SLC17A1: variants seen among roughly 807,000 people sequenced by gnomAD.
SLC17A1 encodes solute carrier family 17 member 1.
A neutral mutation model predicts 53.5 loss-of-function variants in SLC17A1; 51 were observed. That is an observed-to-expected ratio of 0.95 (90% confidence interval 0.76 to 1.20). SLC17A1 has a LOEUF of 1.20. Among genes scored for constraint, SLC17A1 ranks in the 50% most tolerant of loss-of-function variants. The pLI is 0.00. For synonymous variants in SLC17A1, 179 were observed against 198.8 expected (o/e 0.90, Z 0.84); for missense variants, 538 against 568.2 (o/e 0.95, Z 0.54).
intron 10 of SLC17A1, among the ~76,000 whole-genome samples, 196 bp from the exon 11 acceptor site, chr6:25,801,176 G>A (rs565643872): frequency 3.9e-5 from 6 of 152,162 alleles, no homozygotes; most frequent in Non-Finnish European, 5.9e-5. Flanking sequence ...AAAGGTTGGC[G>A]TTAGCAGTAA....
chr6:25,738,405 C>T, the SLC17A1 span, among the ~76,000 whole-genome samples: 1 of 152,100 alleles, frequency 6.6e-6, no homozygotes, highest in Non-Finnish European at 1.5e-5. Flanking sequence ...CTAAAATTAA[C>T]TCATATAGAT....
At chr6:25,770,399 G>C in the SLC17A1 span, 10 of 1,613,972 alleles carry the variant, frequency 6.2e-6, no homozygotes, top group Middle Eastern at 1.6e-4. Flanking sequence ...GGTATTAACT[G>C]GTCAGTATTC....
chr6:25,732,172 C>A, the SLC17A1 span: 2 of 417,446 alleles, frequency 4.8e-6, no homozygotes, highest in South Asian at 2.6e-5. Flanking sequence ...TGTTTATCTT[C>A]CAAGTTCACA....
At chr6:25,831,862 A>C (rs1764961539) in intron 1 of SLC17A1, 132 bp downstream of exon 1, 1 of 152,152 alleles carries the variant, frequency 6.6e-6, no homozygotes, top group South Asian at 2.1e-4. Context: ...GATAGGGCAT[A>C]TTCCACCCCT....
chr6:25,746,815 G>A, the SLC17A1 span, among the ~76,000 whole-genome samples: 11 of 152,086 alleles, frequency 7.2e-5, no homozygotes, highest in African/African-American at 2.7e-4. Flanking sequence ...TACCAGGGTT[G>A]GCCTGTGCAA....
At position 25,831,325 on chromosome 6, in the gene SLC17A1, T is replaced by A. The variant is rs112918891; in HGVS notation, c.-51+669A>T. Among the ~76,000 whole-genome samples, 287 of 152,310 alleles carry A rather than the reference T, an allele frequency of 1.9e-3. 1 individual carries two copies. Among genetic ancestry groups the A allele is most frequent in the Non-Finnish European group, 3.1e-3 (212 of 68,022 alleles). ...CAGGATTTTACCATATCAGATTATATGATACCTAGTGCCCCAAAGATACCA... is the reference window on the plus strand; with the variant it reads ...CAGGATTTTACCATATCAGATTATAAGATACCTAGTGCCCCAAAGATACCA... On this transcript the variant is annotated intron_variant, in intron 1 of 12. Coordinates refer to ENST00000244527, the MANE Select transcript of SLC17A1 (RefSeq NM_005074.5).
chr6:25,822,199 G>A (rs1212091304), intron 3 of SLC17A1, among the ~76,000 whole-genome samples: 1 of 152,122 alleles, frequency 6.6e-6, no homozygotes, highest in Non-Finnish European at 1.5e-5. Flanking sequence ...TAAAATATCT[G>A]TGTGTGTCTG....
chr6:25,773,582 G>T, the SLC17A1 span: 1 of 1,613,932 alleles, frequency 6.2e-7, no homozygotes, highest in South Asian at 1.1e-5. Context: ...GGCCATTTTA[G>T]TCTCTTATTT....
the SLC17A1 span, chr6:25,770,151 A>G: frequency 1.2e-6 from 2 of 1,613,966 alleles, no homozygotes; most frequent in Non-Finnish European, 1.7e-6. Context: ...TCCAATCCCC[A>G]GTGGCTATGT....
chr6:25,794,415 C>T (rs915420733), intron 12 of SLC17A1, among the ~76,000 whole-genome samples: 1 of 152,114 alleles, frequency 6.6e-6, no homozygotes, highest in Admixed American at 6.6e-5. Flanking sequence ...GAATCCTCTG[C>T]ATTATATTCT....
chr6:25,760,356 C>T, the SLC17A1 span, among the ~76,000 whole-genome samples: 2 of 151,988 alleles, frequency 1.3e-5, no homozygotes, highest in Non-Finnish European at 2.9e-5. Context: ...TTAATTTCTC[C>T]CCTTCTGTAA....
chr6:25,773,788 C>T, the SLC17A1 span: 2 of 1,036,262 alleles, frequency 1.9e-6, no homozygotes, highest in Non-Finnish European at 1.4e-6. Context: ...TAGGACCAGG[C>T]AGGACCTCCA....
At chr6:25,802,672 A>ATCAATT (rs1763816312) in intron 10 of SLC17A1, among the ~76,000 whole-genome samples, 1 of 151,984 alleles carries the variant, frequency 6.6e-6, no homozygotes, top group African/African-American at 2.4e-5. Flanking sequence ...TTTGCATTTT[A>ATCAATT]GAGATATCAA....
intron 2 of SLC17A1, 129 bp from the exon 3 acceptor site, chr6:25,826,762 C>T: frequency 2.2e-6 from 1 of 455,722 alleles, no homozygotes; most frequent in East Asian, 3.5e-5. Context: ...ACTTAATGAC[C>T]TTTGATAATT....
chr6:25,794,190 TTTC>T (rs1314436848), intron 12 of SLC17A1, among the ~76,000 whole-genome samples: 1 of 152,168 alleles, frequency 6.6e-6, no homozygotes, highest in Non-Finnish European at 1.5e-5. Flanking sequence ...GGGAGGGAAC[TTTC>T]TCTATAAACA....
the SLC17A1 span, chr6:25,761,907 T>C: frequency 7.0e-7 from 1 of 1,418,586 alleles, no homozygotes; most frequent in Non-Finnish European, 9.9e-7. Flanking sequence ...GTATTTTCTT[T>C]TGTATTCTTT....
the SLC17A1 span, among the ~76,000 whole-genome samples, chr6:25,733,082 G>T: frequency 6.6e-6 from 1 of 152,194 alleles, no homozygotes; most frequent in Admixed American, 6.5e-5. Flanking sequence ...ATACTCGGTA[G>T]TATTGACAGC....
chr6:25,777,237 A>G, the SLC17A1 span: 1 of 381,846 alleles, frequency 2.6e-6, no homozygotes, highest in Non-Finnish European at 4.7e-6. Flanking sequence ...TGAGGAATGC[A>G]GCACTTGCCT....
chr6:25,789,955 T>A (rs772815158), intron 12 of SLC17A1, among the ~76,000 whole-genome samples: 16 of 152,244 alleles, frequency 1.1e-4, no homozygotes, highest in Non-Finnish European at 2.2e-4. Flanking sequence ...TGTCCTTGTT[T>A]GCAGGATACC....
Sources: gnomAD v4.1 joint callset for allele counts (sites outside exome capture counted in the v4.1 genomes callset) on GRCh38, gnomAD v4.1.1 for gene constraint, MANE v1.5 for transcripts, NCBI Gene and HGNC (gene_info 2026-07-23, HGNC 2026-07-21) for gene names.